The following MBNL2 variants were observed in gnomAD, a reference collection of about 807,000 sequenced individuals.
MBNL2 encodes the protein muscleblind like splicing regulator 2, also known as muscleblind-like protein 2.
A neutral mutation model predicts 41.9 loss-of-function variants in MBNL2; 17 were observed. The ratio of observed to expected loss-of-function variants is 0.41; its 90% confidence interval spans 0.28 to 0.61. The LOEUF (loss-of-function observed/expected upper bound fraction) is 0.61, where lower values mean the gene tolerates loss of function less well. Ranked by LOEUF, MBNL2 falls within the 20% of genes least tolerant of loss-of-function variation. The pLI is 0.35. For missense variants in MBNL2, 336 were observed against 505.6 expected (o/e 0.66, Z 3.22); for synonymous variants, 195 against 182.9 (o/e 1.07, Z -0.53).
intron 2 of MBNL2, among the ~76,000 whole-genome samples, chr13:97,309,118 A>G (rs953239451): frequency 6.6e-6 from 1 of 152,192 alleles, no homozygotes; most frequent in Non-Finnish European, 1.5e-5. Context: ...ACCATGGGGT[A>G]TGTAGGGAGA....
At chr13:97,165,458 C>T in the MBNL2 span, among the ~76,000 whole-genome samples, 15,739 of 152,072 alleles carry the variant, frequency 0.1, 922 homozygotes, top group South Asian at 0.16. Flanking sequence ...TTTTAAAATG[C>T]CTTTTATGGG....
chr13:97,257,879 A>G (rs1813115219), intron 1 of MBNL2, among the ~76,000 whole-genome samples: 1 of 152,262 alleles, frequency 6.6e-6, no homozygotes, highest in African/African-American at 2.4e-5. Context: ...GCCCAAGGGC[A>G]GATCAGTGAC....
intron 1 of MBNL2, among the ~76,000 whole-genome samples, chr13:97,266,773 G>A (rs1384597510): frequency 2.6e-5 from 4 of 152,010 alleles, no homozygotes; most frequent in East Asian, 1.9e-4. Flanking sequence ...CAGAGATTCC[G>A]AAAATTAGAA....
chr13:97,190,175 C>A, the MBNL2 span, among the ~76,000 whole-genome samples: 2 of 152,236 alleles, frequency 1.3e-5, no homozygotes, highest in African/African-American at 2.4e-5. Flanking sequence ...AAGCTCAGCC[C>A]TTCCTGAAAG....
chr13:97,356,927 C>G (rs988883006), intron 6 of MBNL2, 78 bp downstream of exon 6: 1 of 884,912 alleles, frequency 1.1e-6, no homozygotes, highest in Non-Finnish European at 1.6e-6. Flanking sequence ...TTGTAAAATA[C>G]TGGTTGCAAA....
chr13:97,332,966 G>A (rs570038018), intron 2 of MBNL2, among the ~76,000 whole-genome samples: 1 of 152,296 alleles, frequency 6.6e-6, no homozygotes, highest in South Asian at 2.1e-4. Context: ...GCCCATGTCT[G>A]CCCTTCTCCA....
chr13:97,308,590 T>C (rs1566407357), intron 2 of MBNL2, among the ~76,000 whole-genome samples: 1 of 152,228 alleles, frequency 6.6e-6, no homozygotes, highest in African/African-American at 2.4e-5. Context: ...TTACACCTAA[T>C]GCTTATTTTA....
rs996078013 is a variant in MBNL2, at chr13:97,315,865, G to T, written c.175-18411G>T. On this transcript the variant is annotated intron_variant, in intron 2 of 8. Transcript: ENST00000679496. ...TTACTCGTGGGTGAGGATGTGGAAGGCCTTGCTCGTGGGTGAGGCAGTTGG... is the reference window on the plus strand; with the variant it reads ...TTACTCGTGGGTGAGGATGTGGAAGTCCTTGCTCGTGGGTGAGGCAGTTGG... Among the ~76,000 whole-genome samples the T allele has an allele frequency of 3.9e-5, 6 of 151,918 alleles. No individual in the cohort carries two copies. In the East Asian group the frequency reaches 9.6e-4, roughly 24 times the overall value.
chr13:97,219,880 C>T (rs2040711101), upstream of MBNL2, among the ~76,000 whole-genome samples: 1 of 152,184 alleles, frequency 6.6e-6, no homozygotes. Context: ...AGTTAAGGGG[C>T]TATTTAAATC....
the MBNL2 span, among the ~76,000 whole-genome samples, chr13:97,187,435 A>G: frequency 6.6e-6 from 1 of 151,644 alleles, no homozygotes; most frequent in Admixed American, 6.6e-5. Flanking sequence ...AAGAGAAGCT[A>G]AAAGGTTCAA....
intron 2 of MBNL2, among the ~76,000 whole-genome samples, chr13:97,321,655 TCCTTA>T (rs1172140392): frequency 6.6e-6 from 1 of 152,230 alleles, no homozygotes; most frequent in Non-Finnish European, 1.5e-5. Flanking sequence ...GAGCCTCATT[TCCTTA>T]CCTTTAAATT....
chr13:97,351,379 A>G (rs1193017394), intron 5 of MBNL2, among the ~76,000 whole-genome samples: 2 of 152,226 alleles, frequency 1.3e-5, no homozygotes, highest in Non-Finnish European at 2.9e-5. Flanking sequence ...TAAATTCACC[A>G]GCTGCATTAG....
At chr13:97,238,807 G>C (rs1241268365) in intron 1 of MBNL2, among the ~76,000 whole-genome samples, 2 of 152,186 alleles carry the variant, frequency 1.3e-5, no homozygotes, top group East Asian at 3.9e-4. Flanking sequence ...GGCACCTGGG[G>C]CAACTTTTGG....
intron 1 of MBNL2, among the ~76,000 whole-genome samples, chr13:97,236,697 C>T (rs563956194): frequency 6.6e-6 from 1 of 152,234 alleles, no homozygotes; most frequent in Admixed American, 6.5e-5. Flanking sequence ...GGTCTCTGTT[C>T]CCGCCTATAA....
chr13:97,271,585 C>T (rs1045744904), intron 1 of MBNL2, among the ~76,000 whole-genome samples: 6 of 152,160 alleles, frequency 3.9e-5, no homozygotes, highest in Middle Eastern at 3.2e-3. Context: ...CCCCTCACCC[C>T]GTAAACCCCC....
chr13:97,300,163 C>G (rs913779040), intron 2 of MBNL2, among the ~76,000 whole-genome samples: 1 of 152,160 alleles, frequency 6.6e-6, no homozygotes, highest in Non-Finnish European at 1.5e-5. Context: ...GGACTGTACA[C>G]ATCACTTCCA....
chr13:97,318,650 T>C (rs543282266), intron 2 of MBNL2, among the ~76,000 whole-genome samples: 2 of 152,366 alleles, frequency 1.3e-5, no homozygotes, highest in African/African-American at 4.8e-5. Flanking sequence ...TACATTTGAC[T>C]AGCAGTTTCT....
At chr13:97,223,417 C>A (rs1368728894) in intron 1 of MBNL2, among the ~76,000 whole-genome samples, 1 of 152,220 alleles carries the variant, frequency 6.6e-6, no homozygotes, top group African/African-American at 2.4e-5. Context: ...CTAAAGAATT[C>A]TTTCTGCCCT....
chr13:97,164,743 G>C, the MBNL2 span, among the ~76,000 whole-genome samples: 1 of 152,178 alleles, frequency 6.6e-6, no homozygotes, highest in East Asian at 1.9e-4. Flanking sequence ...TCTAAATAAT[G>C]CCAAGGGGAA....
Sources: allele counts gnomAD v4.1 joint callset (sites outside exome capture counted in the v4.1 genomes callset), GRCh38; gene constraint gnomAD v4.1.1; transcripts MANE v1.5; gene names NCBI Gene and HGNC (gene_info 2026-07-23, HGNC 2026-07-21).